The following MACF1 variants were observed in gnomAD, a reference collection of about 807,000 sequenced individuals.
The protein encoded by MACF1 is microtubule-actin cross-linking factor 1.
In MACF1, 193 loss-of-function variants were observed where a neutral mutation model predicts 854.8. The ratio of observed to expected loss-of-function variants is 0.23; its 90% confidence interval spans 0.20 to 0.25. The LOEUF is 0.25. Among genes scored for constraint, MACF1 ranks in the 10% least tolerant of loss-of-function variants. The pLI is 1.00. For synonymous variants in MACF1, 3,185 were observed against 3,226.7 expected, an observed-to-expected ratio of 0.99 and a Z score of 0.44; for missense variants, 7,722 against 8,929.1, an observed-to-expected ratio of 0.86 and a Z score of 5.45.
Position 39,334,528 on chromosome 1 carries a change from T to C in MACF1, c.7940T>C (p.Leu2647Pro). ...GATATTGAATCTGGACAGAGATATCTAGAAGTAATTCCCTTCTCAGACATT... is the reference window on the plus strand; with the variant it reads ...GATATTGAATCTGGACAGAGATATCCAGAAGTAATTCCCTTCTCAGACATT... Reference protein sequence around the residue: ...KIDIESGQRYLEVIPFSDIKD... With the variant: ...KIDIESGQRYPEVIPFSDIKD... The change falls in exon 37 of 101, where the codon CTA (leucine) becomes CCA (proline). Residue 2647 changes from leucine to proline, a missense_variant. Leu to Pro is a moderately conservative substitution (Grantham distance 98). This residue lies in a region of MACF1 where 1,531 missense variants were observed against 1,601.6 expected (regional missense o/e 0.96). Coordinates refer to ENST00000564288, the MANE Select transcript of MACF1 (RefSeq NM_001394062.1). 6.2e-7 allele frequency: 1 copy of C among 1,613,860 alleles called. No individual in the cohort carries two copies. The highest frequency in any genetic ancestry group is 8.5e-7 in the Non-Finnish European group (1 of 1,179,746).
rs755414431 is a variant in MACF1, at chr1:39,429,965, A to G, written c.17027A>G (p.Glu5676Gly). The G allele has an allele frequency of 3.1e-6, 5 of 1,613,856 alleles. No individual in the cohort carries two copies. Among genetic ancestry groups the G allele is most frequent in the African/African-American group, 1.3e-5 (1 of 74,916 alleles). ...QLATKFQSTY[E>G]ELTGWLREVE... ...GCCACCAAGTTCCAGTCTACTTATGAGGAACTGACCGGGTGGCTGAGGGAG... is the reference window on the plus strand; with the variant it reads ...GCCACCAAGTTCCAGTCTACTTATGGGGAACTGACCGGGTGGCTGAGGGAG... The change falls in exon 65 of 101, where the codon GAG (glutamate) becomes GGG (glycine). Residue 5676 changes from glutamate (E) to glycine (G), a missense_variant. Physicochemically the swap from Glu to Gly is moderately conservative, Grantham distance 98. Transcript: ENST00000564288.
intron 6 of MACF1, among the ~76,000 whole-genome samples, chr1:39,263,771 C>CTTTTTTTTTTTT (rs11453750): frequency 1.1e-4 from 11 of 100,166 alleles, no homozygotes; most frequent in South Asian, 3.4e-4. Context: ...TTTCTTTTTT[C>CTTTTTTTTTTTT]TTTTTTTTTT....
intron 2 of MACF1, among the ~76,000 whole-genome samples, chr1:39,158,820 CG>C (rs1175906263): frequency 6.6e-6 from 1 of 152,146 alleles, no homozygotes; most frequent in Non-Finnish European, 1.5e-5. Context: ...TCTCTGGTGA[CG>C]TCACTTGTAA....
chr1:39,284,114 A>C lies in MACF1; in HGVS notation c.964A>C (p.Ile322Leu). ...QEYQSRVDSLIPWIKQHTILM... is the reference protein window; with the variant it reads ...QEYQSRVDSLLPWIKQHTILM... The stretch of plus-strand genomic sequence containing the variant: ...ATACCAAAGCCGAGTGGACTCCCTC[A>C]TTCCCTGGATCAAACAGCATACAAT... Residue 322 changes from isoleucine (I) to leucine (L), a missense_variant, in exon 10 of 101, where the codon ATT becomes CTT. This residue lies in a region of MACF1 where 97 missense variants were observed against 130.4 expected (regional missense o/e 0.74). Coordinates refer to ENST00000564288, the MANE Select transcript of MACF1 (RefSeq NM_001394062.1). The C allele has an allele frequency of 6.2e-7, 1 of 1,614,112 alleles. No homozygotes were observed. Among genetic ancestry groups the C allele is most frequent in the African/African-American group, 1.3e-5 (1 of 75,048 alleles).
At chr1:39,416,698 A>C (rs561984640) in intron 58 of MACF1, among the ~76,000 whole-genome samples, 5 of 152,328 alleles carry the variant, frequency 3.3e-5, no homozygotes, top group African/African-American at 1.2e-4. Context: ...TTCCAGCTAC[A>C]GGAGGTAATC....
At chr1:39,286,027 A>C (rs528845216) in intron 14 of MACF1, among the ~76,000 whole-genome samples, 1 of 152,222 alleles carries the variant, frequency 6.6e-6, no homozygotes, top group African/African-American at 2.4e-5. Flanking sequence ...ATTTTAATTA[A>C]TCAAAGACAG....
At chr1:39,419,734 G>A (rs1380397231) in intron 58 of MACF1, among the ~76,000 whole-genome samples, 3 of 151,606 alleles carry the variant, frequency 2.0e-5, no homozygotes, top group African/African-American at 7.3e-5. Flanking sequence ...CCGGGTTCAA[G>A]CAATTCTTGT....
At chr1:39,349,668 T>C (rs768465450) in intron 42 of MACF1, 41 bp downstream of exon 42, 16 of 1,604,924 alleles carry the variant, frequency 1.0e-5, no homozygotes, top group Non-Finnish European at 1.4e-5. Context: ...AGTCTCGCTC[T>C]ATCGCTTAGG....
In MACF1 at chr1:39,443,504, G is replaced by A. The variant is rs916727286; in HGVS notation, c.19361G>A (p.Ser6454Asn). ...DFLLELTRME[S>N]QLSASKPTGG... The stretch of plus-strand genomic sequence containing the variant: ...CTCTTGGAACTTACTAGAATGGAGA[G>A]CCAGCTTTCTGCATCTAAGCCCACA... The change falls in exon 79 of 101, where the codon AGC (serine) becomes AAC (asparagine). Residue 6454 changes from serine (S) to asparagine (N), a missense_variant. Ser to Asn is a conservative substitution (Grantham distance 46). Transcript: ENST00000564288. 1 of 1,613,918 alleles carries A rather than the reference G, an allele frequency of 6.2e-7. No individual in the cohort carries two copies. Among genetic ancestry groups the A allele is most frequent in the East Asian group, 2.2e-5 (1 of 44,864 alleles).
chr1:39,188,751 T>C (rs1644209777), intron 2 of MACF1, among the ~76,000 whole-genome samples: 1 of 152,156 alleles, frequency 6.6e-6, no homozygotes, highest in South Asian at 2.1e-4. Flanking sequence ...ATTACAGGTG[T>C]TTGCCACCAT....
At chr1:39,408,674 G>C (rs903794839) in intron 58 of MACF1, among the ~76,000 whole-genome samples, 1 of 152,172 alleles carries the variant, frequency 6.6e-6, no homozygotes, top group Non-Finnish European at 1.5e-5. Flanking sequence ...GGAGGAGGGC[G>C]GGGCTTTCCT....
chr1:39,226,021 C>T (rs894302053), intron 1 of MACF1, among the ~76,000 whole-genome samples: 3 of 152,142 alleles, frequency 2.0e-5, no homozygotes, highest in African/African-American at 7.2e-5. Flanking sequence ...CAGGAAAGAA[C>T]TTTCATGTAA....
chr1:39,261,815 A>C (rs916624015), intron 6 of MACF1, among the ~76,000 whole-genome samples: 1 of 152,206 alleles, frequency 6.6e-6, no homozygotes, highest in African/African-American at 2.4e-5. Flanking sequence ...ATACATGTAT[A>C]TACCTAGGAA....
intron 2 of MACF1, among the ~76,000 whole-genome samples, chr1:39,102,104 G>A (rs1168448646): frequency 6.6e-6 from 1 of 151,832 alleles, no homozygotes; most frequent in Non-Finnish European, 1.5e-5. Flanking sequence ...TGAACCCCGG[G>A]GGGCGGAGCC....
rs1644133753 is a variant in MACF1, at chr1:39,442,200, C to T, written c.18828C>T (p.His6276=). 1 of 1,604,596 alleles carries T rather than the reference C, an allele frequency of 6.2e-7. No individual in the cohort carries two copies. The highest frequency in any genetic ancestry group is 8.5e-7 in the Non-Finnish European group (1 of 1,177,112). The part of the protein sequence containing the change: ...QQQIEMEKLN[H]QGELMLKKAT... ...AAATTGAGATGGAGAAGCTTAATCA[C>T]CAGGGTGAACTGATGTTAAAGAAAG... Residue 6276 remains histidine (H), a synonymous_variant, in exon 76 of 101, where the codon CAC becomes CAT. Coordinates refer to ENST00000564288, the MANE Select transcript of MACF1 (RefSeq NM_001394062.1).
intron 95 of MACF1, among the ~76,000 whole-genome samples, chr1:39,466,233 T>A (rs1287725031): frequency 6.6e-6 from 1 of 152,192 alleles, no homozygotes; most frequent in African/African-American, 2.4e-5. Flanking sequence ...AGGACTCTTA[T>A]TTGTTCTTTG....
Position 39,335,690 on chromosome 1 carries a change from A to AT in MACF1, c.9106dup (p.Ser3036PhefsTer5). 1 of 1,613,556 alleles carries AT rather than the reference A, an allele frequency of 6.2e-7. No individual in the cohort carries two copies. Among genetic ancestry groups the AT allele is most frequent in the Non-Finnish European group, 8.5e-7 (1 of 1,179,892 alleles). ...GGAAAGAAGCTGATACAGAAATGGGATTTTCTATTACTTTTAAAATTGAAG... is the reference window on the plus strand; with the variant it reads ...GGAAAGAAGCTGATACAGAAATGGGATTTTTCTATTACTTTTAAAATTGAAG... On this transcript the variant is annotated frameshift_variant, in exon 37 of 101. Coordinates refer to ENST00000564288, the MANE Select transcript of MACF1 (RefSeq NM_001394062.1). LOFTEE classifies it high-confidence loss of function.
chr1:39,183,424 G>A (rs1297592661), intron 2 of MACF1, among the ~76,000 whole-genome samples: 4 of 152,128 alleles, frequency 2.6e-5, no homozygotes. Context: ...TTGTCTGTTT[G>A]TATTGGGCCC....
At chr1:39,362,732 G>T (rs1311630528) in intron 49 of MACF1, among the ~76,000 whole-genome samples, 1 of 152,124 alleles carries the variant, frequency 6.6e-6, no homozygotes, top group African/African-American at 2.4e-5. Context: ...CCCACTTTTA[G>T]TGGGGAATGA....
Sources: allele counts gnomAD v4.1 joint callset (sites outside exome capture counted in the v4.1 genomes callset), GRCh38; gene constraint gnomAD v4.1.1; regional missense constraint gnomAD v4.1.1; transcripts MANE v1.5; gene names NCBI Gene and HGNC (gene_info 2026-07-23, HGNC 2026-07-21).